NTN1: variants seen among roughly 807,000 people sequenced by gnomAD.
The protein encoded by NTN1 is netrin 1.
A neutral mutation model predicts 54.2 loss-of-function variants in NTN1; 11 were observed. The ratio of observed to expected loss-of-function variants is 0.20; its 90% CI spans 0.13 to 0.34. The LOEUF is 0.34. Among genes scored for constraint, NTN1 ranks in the 10% least tolerant of loss-of-function variants. NTN1 has a pLI of 1.00. For missense variants in NTN1, 740 were observed against 893.1 expected, an observed-to-expected ratio of 0.83 and a Z score of 2.18; for synonymous variants, 371 against 382.0, an observed-to-expected ratio of 0.97 and a Z score of 0.33.
At chr17:9,113,758 G>C (rs2092200243) in intron 2 of NTN1, among the ~76,000 whole-genome samples, 1 of 152,062 alleles carries the variant, frequency 6.6e-6, no homozygotes, top group Non-Finnish European at 1.5e-5. Context: ...CAGAGTAAGA[G>C]GCAGATTTTG....
At chr17:9,020,738 C>A (rs1398850486), upstream of NTN1, among the ~76,000 whole-genome samples, 2 of 152,208 alleles carry the variant, frequency 1.3e-5, no homozygotes, top group South Asian at 4.1e-4. Flanking sequence ...GCTGGGCTGT[C>A]CCCATGCCTG....
intron 2 of NTN1, among the ~76,000 whole-genome samples, chr17:9,131,639 G>A (rs147244723): frequency 2.7e-5 from 4 of 147,760 alleles, no homozygotes; most frequent in East Asian, 2.0e-4. Flanking sequence ...ACTATGCAAT[G>A]GTGTGATATT....
intron 2 of NTN1, among the ~76,000 whole-genome samples, chr17:9,069,163 G>A (rs978427015): frequency 2.0e-5 from 3 of 151,686 alleles, no homozygotes; most frequent in Admixed American, 1.3e-4. Context: ...TCACAATCCC[G>A]TGGGGATAAA....
intron 5 of NTN1, among the ~76,000 whole-genome samples, chr17:9,217,514 T>C (rs543580790): frequency 6.6e-6 from 1 of 152,292 alleles, no homozygotes; most frequent in East Asian, 1.9e-4. Flanking sequence ...CTTGAAGCAC[T>C]CTCTGTAGCT....
At chr17:9,230,743 G>A (rs35439909) in intron 6 of NTN1, among the ~76,000 whole-genome samples, 49,152 of 152,026 alleles carry the variant, frequency 0.32, 8,616 homozygotes, top group African/African-American at 0.47. Context: ...CCTGAGGGGA[G>A]AGATGGGCCC....
At chr17:9,123,499 C>T (rs545719690) in intron 2 of NTN1, among the ~76,000 whole-genome samples, 18 of 152,148 alleles carry the variant, frequency 1.2e-4, no homozygotes, top group African/African-American at 2.7e-4. Flanking sequence ...CTATTAGATA[C>T]GTATTTTACA....
At position 9,049,433 on chromosome 17, in the gene NTN1, A is replaced by G. The variant is rs564683783; in HGVS notation, c.1018+26042A>G. 3.9e-5 allele frequency among the ~76,000 whole-genome samples: 6 copies of G among 152,234 alleles called. No individual in the cohort carries two copies. In the East Asian group the frequency reaches 7.7e-4, roughly 20 times the overall value. ...GAATTAACATCACCAGTAATGGGCC[A>G]CCTGAACCAACTGTTCAGAATTAAC... On this transcript the variant is annotated intron_variant, in intron 2 of 6. Coordinates refer to ENST00000173229, the MANE Select transcript of NTN1 (RefSeq NM_004822.3).
intron 2 of NTN1, among the ~76,000 whole-genome samples, chr17:9,045,608 T>A (rs2091939288): frequency 6.6e-6 from 1 of 152,080 alleles, no homozygotes; most frequent in Non-Finnish European, 1.5e-5. Context: ...GGCTGAAAAT[T>A]AATGAGCTAA....
chr17:9,003,387 C>G, the NTN1 span, among the ~76,000 whole-genome samples: 1 of 151,798 alleles, frequency 6.6e-6, no homozygotes, highest in South Asian at 2.1e-4. The surrounding 1 kb of genome is among the most constrained non-coding windows in gnomAD (Gnocchi z 7.4). Flanking sequence ...TGGTGCGCGG[C>G]GAGGGGCGCA....
At chr17:9,005,362 G>A in the NTN1 span, among the ~76,000 whole-genome samples, 1 of 152,050 alleles carries the variant, frequency 6.6e-6, no homozygotes, top group Non-Finnish European at 1.5e-5. Flanking sequence ...AGCCAGAATG[G>A]ATTTCATGGC....
At position 9,237,853 on chromosome 17, in the gene NTN1, C is replaced by G. The variant is rs571102944; in HGVS notation, c.1487-1787C>G. On this transcript the variant is annotated intron_variant, in intron 6 of 6. Transcript: ENST00000173229. Reference sequence around the variant, plus strand: ...CTTCTCTGGGCTGGAGGGCTCCCCCCACCCAGAGTTCACACTGAGTGTTGA... The same window carrying G: ...CTTCTCTGGGCTGGAGGGCTCCCCCGACCCAGAGTTCACACTGAGTGTTGA... Among the ~76,000 whole-genome samples, 6 of 152,300 alleles carry G rather than the reference C, an allele frequency of 3.9e-5. No homozygotes were observed. The East Asian group carries it at 7.7e-4, about 20-fold the overall frequency.
intron 2 of NTN1, among the ~76,000 whole-genome samples, chr17:9,094,804 C>G (rs1050738644): frequency 1.5e-4 from 23 of 152,034 alleles, no homozygotes; most frequent in African/African-American, 5.6e-4. Flanking sequence ...GCCTGGCCAA[C>G]ATGGTGAAAC....
the NTN1 span, among the ~76,000 whole-genome samples, chr17:9,012,719 C>T: frequency 6.6e-6 from 1 of 152,106 alleles, no homozygotes; most frequent in Non-Finnish European, 1.5e-5. Context: ...CACCTCCCCT[C>T]CTGGCACGTC....
rs1057094252 is a variant in NTN1, at chr17:9,022,611, G to T, written c.238G>T (p.Val80Leu). 6.4e-7 allele frequency: 1 copy of T among 1,550,838 alleles called. No homozygotes were observed. Among genetic ancestry groups the T allele is most frequent in the Non-Finnish European group, 8.7e-7 (1 of 1,148,628 alleles). ...CGRPPARYCV[V>L]SERGEERLRS... ...CCGGCCCCCGGCGCGCTACTGCGTGGTGAGCGAGCGCGGCGAGGAGCGGCT... is the reference window on the plus strand; with the variant it reads ...CCGGCCCCCGGCGCGCTACTGCGTGTTGAGCGAGCGCGGCGAGGAGCGGCT... The change falls in exon 2 of 7, where the codon GTG becomes TTG. Residue 80 changes from valine (V) to leucine (L), a missense_variant. Physicochemically the swap from Val to Leu is conservative, Grantham distance 32. Transcript: ENST00000173229.
intron 6 of NTN1, among the ~76,000 whole-genome samples, chr17:9,232,825 C>T (rs1567747857): frequency 2.0e-5 from 3 of 152,156 alleles, no homozygotes; most frequent in African/African-American, 4.8e-5. Flanking sequence ...GAGACCAAGC[C>T]TTGGCTCTGG....
intron 2 of NTN1, among the ~76,000 whole-genome samples, chr17:9,133,628 G>A (rs576354968): frequency 2.8e-5 from 4 of 142,068 alleles, no homozygotes; most frequent in South Asian, 2.2e-4. Context: ...TTGCTCTGTC[G>A]CCAGGCTGGA....
At position 9,221,740 on chromosome 17, in the gene NTN1, G is replaced by A. The variant is rs1200747913; in HGVS notation, c.1486+498G>A. ...GGCTCACCACTCATTCCCATGCACC[G>A]GAAGTTCCGCTGCCCAGACCCATGG... is the stretch of plus-strand genomic sequence containing the variant. On this transcript the variant is annotated intron_variant, in intron 6 of 6. Coordinates refer to ENST00000173229, the MANE Select transcript of NTN1 (RefSeq NM_004822.3). This position sits in a 1 kb window ranked among gnomAD's most constrained non-coding sequence, Gnocchi z 4.5. Among the ~76,000 whole-genome samples the A allele has an allele frequency of 3.3e-5, 5 of 152,178 alleles. No individual in the cohort carries two copies. Among genetic ancestry groups the A allele is most frequent in the East Asian group, 1.9e-4 (1 of 5,188 alleles).
At chr17:9,192,518 T>G (rs1434271115) in intron 5 of NTN1, among the ~76,000 whole-genome samples, 2 of 152,108 alleles carry the variant, frequency 1.3e-5, no homozygotes, top group Non-Finnish European at 2.9e-5. Flanking sequence ...GGAGATATTT[T>G]GGGTTGGGGA....
At chr17:9,013,595 C>T in the NTN1 span, among the ~76,000 whole-genome samples, 109 of 152,322 alleles carry the variant, frequency 7.2e-4, 2 homozygotes, top group African/African-American at 2.5e-3. Flanking sequence ...AGATCCATCA[C>T]CTGCTAACCT....
Sources: gnomAD v4.1 joint callset for allele counts (sites outside exome capture counted in the v4.1 genomes callset) on GRCh38, gnomAD v4.1.1 for gene constraint, Gnocchi (gnomAD v3.1) non-coding constraint, MANE v1.5 for transcripts, NCBI Gene and HGNC (gene_info 2026-07-23, HGNC 2026-07-21) for gene names.